PSMB7: variants seen among roughly 807,000 people sequenced by gnomAD.
PSMB7 encodes the protein proteasome 20S subunit beta 7, also known as proteasome subunit beta type-7.
A neutral mutation model predicts 28.1 loss-of-function variants in PSMB7; 5 were observed. The ratio of observed to expected loss-of-function variants is 0.18; its 90% confidence interval spans 0.09 to 0.37. The LOEUF is 0.37. Ranked by LOEUF, PSMB7 falls within the 10% of genes least tolerant of loss-of-function variation. The pLI is 1.00. For missense variants in PSMB7, 275 were observed against 346.2 expected (o/e 0.79, Z 1.63); for synonymous variants, 122 against 123.7 (o/e 0.99, Z 0.09).
intron 4 of PSMB7, among the ~76,000 whole-genome samples, chr9:124,407,421 G>A (rs1232307255): frequency 2.0e-5 from 3 of 152,174 alleles, no homozygotes; most frequent in African/African-American, 4.8e-5. Flanking sequence ...AAGGCCCCAC[G>A]TGTGAGCTAG....
chr9:124,386,831 A>G (rs1195555686), intron 5 of PSMB7, among the ~76,000 whole-genome samples: 2 of 135,320 alleles, frequency 1.5e-5, no homozygotes, highest in East Asian at 2.0e-4. Flanking sequence ...GCAGTTGCAC[A>G]GTAAATTTTT....
rs972359319 is a variant in PSMB7 at position 124,356,330 on chromosome 9, T to C, written c.722+434A>G. Among the ~76,000 whole-genome samples, 1 of 151,934 alleles carries C rather than the reference T, an allele frequency of 6.6e-6. No individual in the cohort carries two copies. Among genetic ancestry groups the C allele is most frequent in the Non-Finnish European group, 1.5e-5 (1 of 67,974 alleles). ...TGTAGCACAGCACACACACACTAGC[T>C]CCCAAGGCCACCTCTGGGAGGCTGT... On this transcript the variant is annotated intron_variant, in intron 7 of 7. Coordinates refer to ENST00000259457, the MANE Select transcript of PSMB7 (RefSeq NM_002799.4). The surrounding 1 kb of genome is among the most constrained non-coding windows in gnomAD (Gnocchi z 4.4).
Position 124,412,485 on chromosome 9 carries a change from CACA to C in PSMB7, c.259_261del (p.Cys87del). On this transcript the variant is annotated inframe_deletion, in exon 4 of 8. Coordinates refer to ENST00000259457, the MANE Select transcript of PSMB7 (RefSeq NM_002799.4). ...TCTGTGTCTGCAGCTGTCCCAGCACCACAACAACTGAAAAATCCAATTAGAAAC... is the reference window on the plus strand; with the variant it reads ...TCTGTGTCTGCAGCTGTCCCAGCACCACAACTGAAAAATCCAATTAGAAAC... 1 of 1,613,362 alleles carries C rather than the reference CACA, an allele frequency of 6.2e-7. No homozygotes were observed. Among genetic ancestry groups the C allele is most frequent in the Non-Finnish European group, 8.5e-7 (1 of 1,179,712 alleles).
At chr9:124,371,435 GTGC>G (rs1395747359) in intron 6 of PSMB7, among the ~76,000 whole-genome samples, 3 of 152,174 alleles carry the variant, frequency 2.0e-5, no homozygotes, top group Non-Finnish European at 4.4e-5. Context: ...GGTGAAATTC[GTGC>G]TGGTTTCCTC....
intron 5 of PSMB7, among the ~76,000 whole-genome samples, chr9:124,403,316 G>C (rs938747989): frequency 2.0e-5 from 3 of 151,938 alleles, no homozygotes; most frequent in African/African-American, 7.3e-5. Flanking sequence ...CCTGAGCCCA[G>C]GAGTTCGAGA....
chr9:124,404,821 C>T (rs1157617433), intron 5 of PSMB7, among the ~76,000 whole-genome samples: 1 of 151,994 alleles, frequency 6.6e-6, no homozygotes, highest in Non-Finnish European at 1.5e-5. Flanking sequence ...CCACTGCACT[C>T]CAGCCTGGGC....
chr9:124,413,528 T>C (rs1247599002), intron 3 of PSMB7, among the ~76,000 whole-genome samples: 12 of 151,820 alleles, frequency 7.9e-5, no homozygotes, highest in Admixed American at 7.9e-4. Context: ...GAGTGAACAA[T>C]AGGATGCCTA....
intron 6 of PSMB7, among the ~76,000 whole-genome samples, chr9:124,376,399 A>G (rs1458855990): frequency 1.3e-5 from 2 of 152,228 alleles, no homozygotes; most frequent in Admixed American, 1.3e-4. Context: ...TGAAAAAAAA[A>G]ATCTAGAATT....
intron 6 of PSMB7, among the ~76,000 whole-genome samples, chr9:124,371,577 C>G (rs1483573880): frequency 6.6e-6 from 1 of 152,190 alleles, no homozygotes; most frequent in Non-Finnish European, 1.5e-5. Context: ...CAATGAAAAT[C>G]TTCCCATTCT....
At chr9:124,390,854 G>A (rs1213166930) in intron 5 of PSMB7, among the ~76,000 whole-genome samples, 1 of 152,092 alleles carries the variant, frequency 6.6e-6, no homozygotes, top group East Asian at 1.9e-4. Flanking sequence ...GCAGCAGCAG[G>A]CAGCTTATTC....
chr9:124,412,609 T>C (rs1260191833), intron 3 of PSMB7, 117 bp from the exon 4 acceptor site: 11 of 1,033,574 alleles, frequency 1.1e-5, no homozygotes, highest in East Asian at 1.0e-4. Context: ...TTTTTGAGTA[T>C]ATCTATGCTG....
intron 7 of PSMB7, 145 bp from the exon 8 acceptor site, chr9:124,353,854 G>A: frequency 2.9e-6 from 2 of 687,064 alleles, no homozygotes; most frequent in Non-Finnish European, 5.0e-6. Flanking sequence ...CTGTGATCTT[G>A]GGGGATTCAA....
rs188655769 is a variant in PSMB7, at chr9:124,355,517, T to C, written c.722+1247A>G. On this transcript the variant is annotated intron_variant, in intron 7 of 7. Coordinates refer to ENST00000259457, the MANE Select transcript of PSMB7 (RefSeq NM_002799.4). ...TCCCTACCCCATCACCGCTTCACCA[T>C]GGACTTGCTCAAATCACGCATCTTG... is the stretch of plus-strand genomic sequence containing the variant. Among the ~76,000 whole-genome samples the C allele has an allele frequency of 2.9e-3, 440 of 152,282 alleles. 1 individual carries two copies. The highest frequency in any genetic ancestry group is 0.01 in the African/African-American group (427 of 41,566).
At chr9:124,400,651 C>A (rs771077249) in intron 5 of PSMB7, among the ~76,000 whole-genome samples, 2 of 152,218 alleles carry the variant, frequency 1.3e-5, no homozygotes, top group Admixed American at 6.5e-5. Context: ...AAACCCAGTT[C>A]TTGCCCTCCC....
intron 6 of PSMB7, among the ~76,000 whole-genome samples, chr9:124,357,862 G>C (rs1417666736): frequency 6.6e-6 from 1 of 152,182 alleles, no homozygotes; most frequent in African/African-American, 2.4e-5. Context: ...AAAGGAGCTG[G>C]GAACACAGCT....
chr9:124,387,045 G>A (rs1830729601), intron 5 of PSMB7, among the ~76,000 whole-genome samples: 1 of 152,150 alleles, frequency 6.6e-6, no homozygotes. Flanking sequence ...AGGAGATTGA[G>A]ACCATCCTGG....
At chr9:124,415,043 C>T (rs1831072544) in intron 1 of PSMB7, 108 bp from the exon 2 acceptor site, 2 of 726,178 alleles carry the variant, frequency 2.8e-6, no homozygotes, top group Non-Finnish European at 4.6e-6. Context: ...CTTGTTTTCA[C>T]GCCCATCTGT....
In PSMB7 at chr9:124,373,327, A is replaced by G. The variant is rs548377533; in HGVS notation, c.570+11271T>C. Among the ~76,000 whole-genome samples the G allele has an allele frequency of 5.3e-5, 8 of 152,364 alleles. No individual in the cohort carries two copies. In the East Asian group the frequency reaches 1.3e-3, roughly 26 times the overall value. On this transcript the variant is annotated intron_variant, in intron 6 of 7. Coordinates refer to ENST00000259457, the MANE Select transcript of PSMB7 (RefSeq NM_002799.4). ...TGTATGTTAGGGTTCAGACATCTCT[A>G]AAACCTAACGTTTTATGCTAAATAA...
At chr9:124,391,453 GCTT>G (rs1031307664) in intron 5 of PSMB7, among the ~76,000 whole-genome samples, 1 of 152,054 alleles carries the variant, frequency 6.6e-6, no homozygotes, top group African/African-American at 2.4e-5. Context: ...TTTCAAACTT[GCTT>G]CTTCTTTAGA....
Sources: gnomAD v4.1 joint callset for allele counts (sites outside exome capture counted in the v4.1 genomes callset) on GRCh38, gnomAD v4.1.1 for gene constraint, Gnocchi (gnomAD v3.1) non-coding constraint, MANE v1.5 for transcripts, NCBI Gene and HGNC (gene_info 2026-07-23, HGNC 2026-07-21) for gene names.